Variants in SWAP70 observed in about 807,000 individuals in gnomAD.
SWAP70 encodes switch-associated protein 70.
Under a neutral mutation model 80.2 loss-of-function variants are expected in SWAP70, and 34 were observed. The observed-to-expected ratio is 0.42, with a 90% CI of 0.32 to 0.56. The LOEUF (loss-of-function observed/expected upper bound fraction) is 0.56, where lower values mean the gene tolerates loss of function less well. Ranked by LOEUF, SWAP70 falls within the 20% of genes least tolerant of loss-of-function variation. The pLI, the probability that SWAP70 is intolerant of heterozygous loss-of-function variation, is 0.09. For missense variants in SWAP70, 578 were observed against 690.7 expected (o/e 0.84, Z 1.83); for synonymous variants, 239 against 238.5 (o/e 1.00, Z -0.02).
intron 2 of SWAP70, among the ~76,000 whole-genome samples, chr11:9,709,593 C>G (rs1040700324): frequency 6.6e-6 from 1 of 152,076 alleles, no homozygotes; most frequent in African/African-American, 2.4e-5. Flanking sequence ...AGTGCGATCT[C>G]CCACCAACTT....
chr11:9,730,162 C>T (rs1353415690), intron 6 of SWAP70, among the ~76,000 whole-genome samples: 1 of 152,020 alleles, frequency 6.6e-6, no homozygotes, highest in African/African-American at 2.4e-5. Context: ...TGCTGTATGT[C>T]CATGTGTACA....
intron 2 of SWAP70, among the ~76,000 whole-genome samples, chr11:9,710,698 T>G (rs2252446): frequency 0.32 from 46,816 of 148,524 alleles, 7,139 homozygotes; most frequent in Non-Finnish European, 0.34. Flanking sequence ...TTTTTTTTTT[T>G]ATTAAGTGTC....
chr11:9,748,077 A>T, intron 10 of SWAP70, 21 bp downstream of exon 10: 2 of 1,602,522 alleles, frequency 1.2e-6, no homozygotes, highest in Non-Finnish European at 1.7e-6. Flanking sequence ...TTGGCCCTGC[A>T]AACTTGTATA....
At chr11:9,721,574 C>T (rs418931) in intron 3 of SWAP70, among the ~76,000 whole-genome samples, 49,456 of 151,090 alleles carry the variant, frequency 0.33, 8,315 homozygotes, top group Non-Finnish European at 0.35. Flanking sequence ...TTGGCTCAAG[C>T]AGTCTTCCCT....
chr11:9,733,425 C>T (rs1459764570), intron 7 of SWAP70, among the ~76,000 whole-genome samples: 1 of 152,128 alleles, frequency 6.6e-6, no homozygotes, highest in Non-Finnish European at 1.5e-5. Flanking sequence ...ATGGGGGTGG[C>T]TCATAATCTG....
intron 1 of SWAP70, among the ~76,000 whole-genome samples, chr11:9,690,728 T>G (rs548618837): frequency 6.6e-6 from 1 of 151,940 alleles, no homozygotes; most frequent in Admixed American, 6.6e-5. Flanking sequence ...TCTCTATTTT[T>G]AAAAAATACA....
intron 2 of SWAP70, among the ~76,000 whole-genome samples, chr11:9,708,114 T>C (rs188699042): frequency 9.5e-4 from 144 of 152,292 alleles, no homozygotes; most frequent in African/African-American, 3.2e-3. Context: ...GGTGTGCAAA[T>C]GTCTCATTAA....
Position 9,672,114 on chromosome 11 carries a change from A to G in SWAP70, c.99+7836A>G, listed in dbSNP as rs1375153212. Among the ~76,000 whole-genome samples the G allele has an allele frequency of 8.5e-5, 11 of 129,460 alleles. No homozygotes were observed. The Admixed American group carries it at 8.8e-4, about 10-fold the overall frequency. The allele number at this position is 129,460 out of a possible 152,430, so 84.9% of individuals were successfully genotyped here. A position where few individuals can be genotyped will look rare whatever the true frequency, so the allele number is the denominator to read the frequency against. The stretch of plus-strand genomic sequence containing the variant: ...TTAAATATAATTATAATATAATATA[A>G]TTTAAATGTAATTTAAATATAATTT... On this transcript the variant is annotated intron_variant, in intron 1 of 11. Transcript: ENST00000318950.
At chr11:9,746,649 G>T (rs1171048847) in intron 9 of SWAP70, among the ~76,000 whole-genome samples, 1 of 152,194 alleles carries the variant, frequency 6.6e-6, no homozygotes, top group African/African-American at 2.4e-5. Flanking sequence ...TTCTCAACAG[G>T]CAACAAAGCT....
intron 1 of SWAP70, among the ~76,000 whole-genome samples, chr11:9,665,199 T>A (rs1850293913): frequency 6.6e-6 from 1 of 152,172 alleles, no homozygotes; most frequent in Admixed American, 6.5e-5. Context: ...CTTAGCCCCT[T>A]CTGGGAATAA....
At chr11:9,728,313 A>G in intron 5 of SWAP70, 114 bp downstream of exon 5, 1 of 1,165,180 alleles carries the variant, frequency 8.6e-7, no homozygotes, top group Non-Finnish European at 1.1e-6. Flanking sequence ...CCCCAAATTT[A>G]CATTTCCAAA....
chr11:9,742,483 C>A (rs561756918), intron 9 of SWAP70, among the ~76,000 whole-genome samples: 1 of 151,902 alleles, frequency 6.6e-6, no homozygotes, highest in Non-Finnish European at 1.5e-5. Flanking sequence ...AGTACAGGCG[C>A]GCACCACCAC....
At chr11:9,710,443 G>T (rs1162112372) in intron 2 of SWAP70, among the ~76,000 whole-genome samples, 2 of 152,104 alleles carry the variant, frequency 1.3e-5, no homozygotes, top group Non-Finnish European at 2.9e-5. Context: ...AGAACACAAA[G>T]GAGCTCTTTC....
At chr11:9,743,070 C>A (rs1236107647) in intron 9 of SWAP70, among the ~76,000 whole-genome samples, 1 of 125,278 alleles carries the variant, frequency 8.0e-6, no homozygotes, top group African/African-American at 2.9e-5. Flanking sequence ...CCACAACAGG[C>A]CCCGGTGTGT....
chr11:9,707,294 C>G (rs778182913), intron 2 of SWAP70, among the ~76,000 whole-genome samples: 1 of 152,100 alleles, frequency 6.6e-6, no homozygotes, highest in Admixed American at 6.5e-5. Context: ...AAACTCTACA[C>G]CTTTTGAACA....
At chr11:9,738,084 A>T in intron 7 of SWAP70, 129 bp from the exon 8 acceptor site, 1 of 516,678 alleles carries the variant, frequency 1.9e-6, no homozygotes, top group Non-Finnish European at 3.3e-6. Flanking sequence ...AAAAGTTTTT[A>T]TTCTATTATC....
intron 2 of SWAP70, among the ~76,000 whole-genome samples, chr11:9,710,170 C>A (rs1417849572): frequency 6.6e-6 from 1 of 151,868 alleles, no homozygotes; most frequent in Non-Finnish European, 1.5e-5. Context: ...TTCAAGGATG[C>A]TCAGTTTTTT....
intron 4 of SWAP70, among the ~76,000 whole-genome samples, chr11:9,725,567 A>AT (rs1158096816): frequency 7.5e-4 from 13 of 17,312 alleles, no homozygotes; most frequent in African/African-American, 3.0e-3. Context: ...ATATATATAT[A>AT]TATTTTTTTT....
At chr11:9,699,380 A>G (rs570844474) in intron 2 of SWAP70, among the ~76,000 whole-genome samples, 1 of 152,288 alleles carries the variant, frequency 6.6e-6, no homozygotes, top group East Asian at 1.9e-4. Context: ...ACTTTACAGT[A>G]TAATGCTTTT....
Sources: gnomAD v4.1 joint callset for allele counts (sites outside exome capture counted in the v4.1 genomes callset) on GRCh38, gnomAD v4.1.1 for gene constraint, MANE v1.5 for transcripts, NCBI Gene and HGNC (gene_info 2026-07-23, HGNC 2026-07-21) for gene names.